Variants in C1orf105 observed in about 807,000 individuals in gnomAD.
The protein encoded by C1orf105 is uncharacterized protein C1orf105.
In C1orf105, 17 loss-of-function variants were observed where a neutral mutation model predicts 20.8. The ratio of observed to expected loss-of-function variants is 0.82; its 90% CI spans 0.56 to 1.23. The LOEUF (loss-of-function observed/expected upper bound fraction) is 1.23. C1orf105 is among the 50% of genes most tolerant of loss of function. C1orf105 has a pLI of 0.00. For missense variants in C1orf105, 219 were observed against 213.5 expected, an observed-to-expected ratio of 1.03 and a Z score of -0.16; for synonymous variants, 72 against 72.1, an observed-to-expected ratio of 1.00 and a Z score of 0.01.
chr1:172,447,579 G>A (rs1367360727), intron 2 of C1orf105, among the ~76,000 whole-genome samples: 3 of 152,200 alleles, frequency 2.0e-5, no homozygotes, highest in Admixed American at 1.3e-4. Context: ...AAGACCCCGA[G>A]GGCACTCATG....
At position 172,441,827 on chromosome 1, in the gene C1orf105, G is replaced by A. The variant is rs1063412; in HGVS notation, c.22-3246G>A. On this transcript the variant is annotated intron_variant, in intron 1 of 6. Transcript: ENST00000367727. ...AGCTGCAAGCGAATGAGGTAGAATG[G>A]ACACAGACATGAGATAGACATCAGC... The A allele has an allele frequency of 0.55, 882,980 of 1,613,024 alleles. 249,558 individuals carry two copies. The highest frequency in any genetic ancestry group is 0.65 in the East Asian group (29,195 of 44,870).
rs1558137122 is a variant in C1orf105 at position 172,448,483 on chromosome 1, GA to G, written c.152del (p.Asn51IlefsTer2). On this transcript the variant is annotated frameshift_variant, in exon 3 of 7. Coordinates refer to ENST00000367727, the MANE Select transcript of C1orf105 (RefSeq NM_139240.4). LOFTEE classifies it high-confidence loss of function. ...SATFLTSSKK[N>X]MNLPILFQVP... ...CGACTTTTCTGACTTCATCCAAGAA[GA>G]ATATGAATTTGCCAATTTTGTTTCA... The G allele has an allele frequency of 1.2e-6, 2 of 1,613,656 alleles. No homozygotes were observed. The highest frequency in any genetic ancestry group is 1.7e-6 in the Non-Finnish European group (2 of 1,179,602).
At chr1:172,428,807 A>C (rs780447172) in intron 1 of C1orf105, 38 of 699,604 alleles carry the variant, frequency 5.4e-5, no homozygotes, top group Non-Finnish European at 1.0e-5. Context: ...TATTCCAAGC[A>C]CACAGAACAG....
At chr1:172,438,106 A>G (rs867824940) in intron 1 of C1orf105, among the ~76,000 whole-genome samples, 1 of 151,458 alleles carries the variant, frequency 6.6e-6, no homozygotes, top group African/African-American at 2.5e-5. Context: ...TTTTAAGCCG[A>G]GTGTTGAGCC....
intron 2 of C1orf105, among the ~76,000 whole-genome samples, chr1:172,445,923 G>A (rs944719373): frequency 2.6e-5 from 4 of 152,114 alleles, no homozygotes; most frequent in African/African-American, 9.7e-5. Context: ...GAAACAGCTC[G>A]TTAGAAAAGC....
intron 1 of C1orf105, among the ~76,000 whole-genome samples, chr1:172,439,868 C>G (rs1364950991): frequency 6.6e-6 from 1 of 151,522 alleles, no homozygotes; most frequent in African/African-American, 2.4e-5. Flanking sequence ...ATGAGGCATG[C>G]CTCTATTGAG....
intron 1 of C1orf105, chr1:172,442,749 A>C: frequency 1.2e-6 from 1 of 819,800 alleles, no homozygotes; most frequent in Non-Finnish European, 2.0e-6. Flanking sequence ...ATGTTCTACC[A>C]ACCTTTCCTT....
chr1:172,462,058 A>C lies in C1orf105; in HGVS notation c.274-120A>C, dbSNP rs540932480. ...GAAACCCTCTGGTCATTCACATCAC[A>C]AAAGGATGTATGAAGGACTTTGACA... On this transcript the variant is annotated intron_variant, in intron 4 of 6. Coordinates refer to ENST00000367727, the MANE Select transcript of C1orf105 (RefSeq NM_139240.4). 9 of 734,168 alleles carry C rather than the reference A, an allele frequency of 1.2e-5. No individual in the cohort carries two copies. The East Asian group carries it at 2.6e-4, about 21-fold the overall frequency. The allele number at this position is 734,168 out of a possible 1,614,324, so 45.5% of individuals were successfully genotyped here.
chr1:172,455,877 AT>A (rs1219669890), intron 3 of C1orf105, among the ~76,000 whole-genome samples: 1 of 152,140 alleles, frequency 6.6e-6, no homozygotes, highest in African/African-American at 2.4e-5. Flanking sequence ...CCATGGATGC[AT>A]GAGAGCTGTT....
At chr1:172,461,017 C>G (rs986184113) in intron 4 of C1orf105, among the ~76,000 whole-genome samples, 1 of 152,186 alleles carries the variant, frequency 6.6e-6, no homozygotes, top group Non-Finnish European at 1.5e-5. Context: ...CCTGCATCTT[C>G]CCTTGGAGCA....
At chr1:172,468,106 C>G (rs1312987214) in intron 6 of C1orf105, among the ~76,000 whole-genome samples, 1 of 152,084 alleles carries the variant, frequency 6.6e-6, no homozygotes, top group African/African-American at 2.4e-5. Flanking sequence ...TATTACAACA[C>G]CAGACATGTT....
rs531541544 is a variant in C1orf105, at chr1:172,445,144, C to A, written c.93C>A (p.Leu31=). Residue 31 remains leucine (L), a synonymous_variant, in exon 2 of 7, where the codon CTC becomes CTA. Transcript: ENST00000367727. ...EASLVNKPLV[L]SLPRRYPHTS... is the part of the protein sequence containing the mutation. ...GCCTTGTAAACAAGCCATTAGTGCTCAGCCTTCCCAGAAGGTAACCTCTCA... is the reference window on the plus strand; with the variant it reads ...GCCTTGTAAACAAGCCATTAGTGCTAAGCCTTCCCAGAAGGTAACCTCTCA... 1 of 1,611,600 alleles carries A rather than the reference C, an allele frequency of 6.2e-7. No homozygotes were observed. Among genetic ancestry groups the A allele is most frequent in the South Asian group, 1.1e-5 (1 of 90,436 alleles).
intron 4 of C1orf105, among the ~76,000 whole-genome samples, chr1:172,458,109 C>T (rs183823253): frequency 3.5e-4 from 54 of 152,288 alleles, no homozygotes; most frequent in African/African-American, 1.2e-3. Flanking sequence ...GAAAAACTAA[C>T]AGCTAACACC....
intron 2 of C1orf105, 92 bp from the exon 3 acceptor site, chr1:172,448,349 G>C: frequency 1.2e-6 from 1 of 810,388 alleles, no homozygotes. Context: ...AGCTCCCTGT[G>C]GTGTCCCTTG....
At chr1:172,450,322 C>T (rs758351470) in intron 3 of C1orf105, among the ~76,000 whole-genome samples, 9 of 152,178 alleles carry the variant, frequency 5.9e-5, no homozygotes, top group East Asian at 1.9e-4. Flanking sequence ...GTAGGGAACC[C>T]GGGATCCTTG....
intron 3 of C1orf105, among the ~76,000 whole-genome samples, chr1:172,450,739 G>A (rs1648538739): frequency 6.6e-6 from 1 of 152,220 alleles, no homozygotes; most frequent in Admixed American, 6.5e-5. Context: ...CCCCGTGCCT[G>A]AGGCAGGTGC....
At chr1:172,442,620 C>G in intron 1 of C1orf105, 1 of 1,605,574 alleles carries the variant, frequency 6.2e-7, no homozygotes, top group South Asian at 1.1e-5. Flanking sequence ...GTTGAGCATA[C>G]ATTATCCTTT....
chr1:172,451,909 T>G (rs1352301553), intron 3 of C1orf105, among the ~76,000 whole-genome samples: 2 of 139,568 alleles, frequency 1.4e-5, no homozygotes, highest in African/African-American at 5.4e-5. Flanking sequence ...TCTCACTCTG[T>G]TGCCCCAGGC....
intron 4 of C1orf105, among the ~76,000 whole-genome samples, chr1:172,461,838 G>A (rs577556213): frequency 2.6e-5 from 4 of 152,136 alleles, no homozygotes; most frequent in Non-Finnish European, 5.9e-5. Context: ...AACATAGAGC[G>A]GAGGACTACC....
Sources: gnomAD v4.1 joint callset for allele counts (sites outside exome capture counted in the v4.1 genomes callset) on GRCh38, gnomAD v4.1.1 for gene constraint, MANE v1.5 for transcripts, NCBI Gene and HGNC (gene_info 2026-07-23, HGNC 2026-07-21) for gene names.